The following AGBL4 variants were observed in gnomAD, a reference collection of about 807,000 sequenced individuals.
AGBL4 encodes the protein AGBL carboxypeptidase 4.
Under a neutral mutation model 66.4 loss-of-function variants are expected in AGBL4, and 58 were observed. That is an observed-to-expected ratio of 0.87 (90% CI 0.71 to 1.09). The LOEUF (loss-of-function observed/expected upper bound fraction) is 1.09, where lower values mean the gene tolerates loss of function less well. Ranked by LOEUF, AGBL4 falls within the 50% of genes least tolerant of loss-of-function variation. The pLI is 0.00. For missense variants in AGBL4, 579 were observed against 631.0 expected (o/e 0.92, Z 0.88); for synonymous variants, 234 against 222.9 (o/e 1.05, Z -0.44).
chr1:48,539,219 T>C lies in AGBL4; in HGVS notation c.1364+423A>G, dbSNP rs575240899. Among the ~76,000 whole-genome samples, 10 of 152,340 alleles carry C rather than the reference T, an allele frequency of 6.6e-5. No homozygotes were observed. In the East Asian group the frequency reaches 1.9e-3, roughly 29 times the overall value. On this transcript the variant is annotated intron_variant, in intron 12 of 13. Transcript: ENST00000371839. ...GCACTGTGCTGGGTGCTTTAACACA[T>C]ATCTCATAATAATCATGTATGTGAG... is the stretch of plus-strand genomic sequence containing the variant.
At chr1:49,158,682 C>T (rs758659143) in intron 4 of AGBL4, among the ~76,000 whole-genome samples, 4 of 151,854 alleles carry the variant, frequency 2.6e-5, no homozygotes, top group Non-Finnish European at 4.4e-5. Flanking sequence ...AAGTCCTCCA[C>T]TATTATTCTG....
intron 1 of AGBL4, among the ~76,000 whole-genome samples, chr1:49,874,277 A>G (rs1235586426): frequency 6.6e-6 from 1 of 152,144 alleles, no homozygotes; most frequent in Non-Finnish European, 1.5e-5. Context: ...GCAGTCTTGG[A>G]GTAGGCAAAT....
At chr1:49,745,717 A>G (rs1354217694) in intron 2 of AGBL4, among the ~76,000 whole-genome samples, 2 of 152,018 alleles carry the variant, frequency 1.3e-5, no homozygotes, top group Admixed American at 1.3e-4. Context: ...ATATATGCCC[A>G]TATCAAGAAA....
At chr1:49,096,649 T>C (rs184314941) in intron 4 of AGBL4, among the ~76,000 whole-genome samples, 4,600 of 124,730 alleles carry the variant, frequency 0.037, 222 homozygotes, top group African/African-American at 0.12. Flanking sequence ...TGAGAACACA[T>C]GGACACAGGA....
chr1:49,419,114 C>A (rs1183744604), intron 3 of AGBL4, among the ~76,000 whole-genome samples: 1 of 152,080 alleles, frequency 6.6e-6, no homozygotes, highest in Non-Finnish European at 1.5e-5. Context: ...AGTAAATATT[C>A]TTCTTTACAA....
At chr1:49,409,635 T>C (rs1390746735) in intron 3 of AGBL4, among the ~76,000 whole-genome samples, 1 of 152,210 alleles carries the variant, frequency 6.6e-6, no homozygotes, top group East Asian at 1.9e-4. Context: ...GCGCTGACTA[T>C]CTTTGTCATC....
At chr1:49,955,184 G>A (rs1656492483) in intron 1 of AGBL4, among the ~76,000 whole-genome samples, 1 of 151,762 alleles carries the variant, frequency 6.6e-6, no homozygotes, top group Admixed American at 6.6e-5. Context: ...CACACATTGA[G>A]GCCAATACAT....
chr1:49,099,198 G>C (rs942164049), intron 4 of AGBL4, among the ~76,000 whole-genome samples: 2 of 152,134 alleles, frequency 1.3e-5, no homozygotes, highest in Non-Finnish European at 2.9e-5. Context: ...TTAGCTGCTG[G>C]GCTCATTTCA....
At chr1:49,948,582 T>G (rs11205666) in intron 1 of AGBL4, among the ~76,000 whole-genome samples, 102,922 of 126,824 alleles carry the variant, frequency 0.81, 43,562 homozygotes, top group Non-Finnish European at 0.93. Context: ...TATATATATA[T>G]AGAGAGAGAG....
chr1:49,427,400 G>T lies in AGBL4; in HGVS notation c.283-181536C>A, dbSNP rs976101224. Among the ~76,000 whole-genome samples, 3 of 151,166 alleles carry T rather than the reference G, an allele frequency of 2.0e-5. No individual in the cohort carries two copies. The East Asian group carries it at 5.8e-4, about 29-fold the overall frequency. On this transcript the variant is annotated intron_variant, in intron 3 of 13. Transcript: ENST00000371839. ...AAAAGGAAACCTTCAGAAGGGTAAA[G>T]CTTGGAATACCATGAGGGATAATGT...
At chr1:49,217,880 A>G (rs1649208443) in intron 4 of AGBL4, among the ~76,000 whole-genome samples, 1 of 152,120 alleles carries the variant, frequency 6.6e-6, no homozygotes, top group Admixed American at 6.6e-5. Flanking sequence ...GTGTGGGAAG[A>G]GATCTTAAAG....
At chr1:49,524,195 A>G (rs1385555937) in intron 3 of AGBL4, among the ~76,000 whole-genome samples, 1 of 152,094 alleles carries the variant, frequency 6.6e-6, no homozygotes, top group African/African-American at 2.4e-5. Context: ...TCTCCTTACT[A>G]CTATGAATAA....
chr1:48,689,219 A>AAAAAAAAAAAAAAG (rs1553207682), intron 6 of AGBL4, among the ~76,000 whole-genome samples: 8 of 141,578 alleles, frequency 5.7e-5, no homozygotes, highest in African/African-American at 2.2e-4. Context: ...AAAAAAAAAA[A>AAAAAAAAAAAAAAG]AAAAGAAAAG....
intron 3 of AGBL4, among the ~76,000 whole-genome samples, chr1:49,661,079 C>T (rs1646260635): frequency 1.3e-5 from 2 of 152,044 alleles, no homozygotes; most frequent in Admixed American, 1.3e-4. Context: ...AACAAACCTG[C>T]ATATCCTGCA....
chr1:48,766,303 G>A (rs1644526471), intron 6 of AGBL4, among the ~76,000 whole-genome samples: 1 of 152,194 alleles, frequency 6.6e-6, no homozygotes, highest in Non-Finnish European at 1.5e-5. Flanking sequence ...GAGCCAAGAT[G>A]TGCTATAGAT....
chr1:49,286,604 C>T (rs886870385), intron 3 of AGBL4, among the ~76,000 whole-genome samples: 3 of 151,856 alleles, frequency 2.0e-5, no homozygotes, highest in Non-Finnish European at 4.4e-5. Flanking sequence ...AGTGAACTCC[C>T]GTTCACAATT....
intron 2 of AGBL4, among the ~76,000 whole-genome samples, chr1:49,790,932 T>C (rs947756941): frequency 2.0e-5 from 3 of 152,222 alleles, no homozygotes; most frequent in Non-Finnish European, 2.9e-5. Flanking sequence ...AGCTAAAATA[T>C]TGACATTGTA....
At chr1:48,539,881 T>A in intron 11 of AGBL4, 143 bp from the exon 12 acceptor site, 1 of 502,148 alleles carries the variant, frequency 2.0e-6, no homozygotes, top group Non-Finnish European at 3.3e-6. Flanking sequence ...TCTTTTTTGA[T>A]CCTTGAAAAA....
intron 4 of AGBL4, among the ~76,000 whole-genome samples, chr1:49,080,279 G>T (rs1452882959): frequency 6.6e-6 from 1 of 152,194 alleles, no homozygotes; most frequent in Non-Finnish European, 1.5e-5. Context: ...ATTTTCAAAG[G>T]TGTAAGCAGA....
Sources: allele counts gnomAD v4.1 joint callset (sites outside exome capture counted in the v4.1 genomes callset), GRCh38; gene constraint gnomAD v4.1.1; transcripts MANE v1.5; gene names NCBI Gene and HGNC (gene_info 2026-07-23, HGNC 2026-07-21).